Variants in ADGRV1 observed in about 807,000 individuals in gnomAD.
ADGRV1 encodes the protein G-protein coupled receptor 98.
In ADGRV1, 359 loss-of-function variants were observed where a neutral mutation model predicts 596.2. The observed-to-expected ratio is 0.60, with a 90% confidence interval of 0.55 to 0.66. The LOEUF is 0.66. Ranked by LOEUF, ADGRV1 falls within the 30% of genes least tolerant of loss-of-function variation. ADGRV1 has a pLI of 0.00. For missense variants in ADGRV1, 7,274 were observed against 7,575.6 expected (o/e 0.96, Z 1.48); for synonymous variants, 2,681 against 2,679.2 (o/e 1.00, Z -0.02).
intron 77 of ADGRV1, among the ~76,000 whole-genome samples, chr5:90,840,316 AC>A (rs1346287356): frequency 3.3e-5 from 5 of 152,220 alleles, no homozygotes; most frequent in African/African-American, 9.7e-5. Flanking sequence ...GGCAAGAGTG[AC>A]ATTTCTGGTC....
intron 83 of ADGRV1, chr5:90,899,246 TATATC>T (rs1363432773): frequency 2.0e-5 from 3 of 152,176 alleles, no homozygotes; most frequent in African/African-American, 7.2e-5. Flanking sequence ...TTAGCAGAAA[TATATC>T]AGATAGCAAA....
At chr5:90,797,684 G>A (rs1196796986) in intron 70 of ADGRV1, among the ~76,000 whole-genome samples, 8 of 152,096 alleles carry the variant, frequency 5.3e-5, no homozygotes, top group Non-Finnish European at 1.5e-5. Flanking sequence ...CTTCTTCTCA[G>A]CACCTCGTCG....
At position 91,007,176 on chromosome 5, in the gene ADGRV1, G is replaced by A. The variant is rs377428188; in HGVS notation, c.18152+21654G>A. 2.6e-5 allele frequency among the ~76,000 whole-genome samples: 4 copies of A among 152,174 alleles called. No individual in the cohort carries two copies. The South Asian group carries it at 6.2e-4, about 24-fold the overall frequency. On this transcript the variant is annotated intron_variant, in intron 85 of 89. Transcript: ENST00000405460. The stretch of plus-strand genomic sequence containing the variant: ...ACTTAACAAAAAATCTTCACCAGTT[G>A]AACATATTGCTGGGGCCACTCCTGA...
At chr5:90,789,890 C>A in intron 69 of ADGRV1, 39 bp downstream of exon 69, 1 of 1,310,966 alleles carries the variant, frequency 7.6e-7, no homozygotes, top group Non-Finnish European at 9.8e-7. Flanking sequence ...TACCAGTTTG[C>A]CTAACAAATG....
At chr5:91,024,513 G>T (rs1783872355) in intron 85 of ADGRV1, among the ~76,000 whole-genome samples, 1 of 152,054 alleles carries the variant, frequency 6.6e-6, no homozygotes, top group Non-Finnish European at 1.5e-5. Flanking sequence ...GCAGTGCTTA[G>T]TTGCACACAC....
intron 85 of ADGRV1, among the ~76,000 whole-genome samples, chr5:91,046,886 A>G (rs978733628): frequency 1.3e-5 from 2 of 152,242 alleles, no homozygotes; most frequent in Non-Finnish European, 2.9e-5. Flanking sequence ...AAAAGAAGAT[A>G]TACAAGTGGC....
chr5:90,769,510 G>A (rs982014796), intron 59 of ADGRV1, among the ~76,000 whole-genome samples: 1 of 152,144 alleles, frequency 6.6e-6, no homozygotes, highest in African/African-American at 2.4e-5. Context: ...TACTTTGAGA[G>A]AGAATCATGA....
rs538523497 is a variant in ADGRV1, at chr5:90,952,793, G to A, written c.17857-12622G>A. Among the ~76,000 whole-genome samples the A allele has an allele frequency of 6.6e-5, 10 of 151,722 alleles. No individual in the cohort carries two copies. The East Asian group carries it at 1.9e-3, about 29-fold the overall frequency. On this transcript the variant is annotated intron_variant, in intron 83 of 89. Coordinates refer to ENST00000405460, the MANE Select transcript of ADGRV1 (RefSeq NM_032119.4). ...GATCTTGACTTGTCTCTCTTGATTT[G>A]CCTTGTTTTCTTCCACACAGTACTC...
chr5:90,740,562 G>A (rs1753830406), intron 50 of ADGRV1, among the ~76,000 whole-genome samples: 1 of 152,206 alleles, frequency 6.6e-6, no homozygotes, highest in Non-Finnish European at 1.5e-5. Flanking sequence ...CTCATTCAGA[G>A]CAATGCTGTT....
At position 90,647,699 on chromosome 5, in the gene ADGRV1, T is replaced by A; in HGVS notation, c.3224T>A (p.Phe1075Tyr). 6.2e-7 allele frequency: 1 copy of A among 1,613,758 alleles called. No individual in the cohort carries two copies. The highest frequency in any genetic ancestry group is 8.5e-7 in the Non-Finnish European group (1 of 1,179,674). ...AGTAGACAGCAGAGCATATCCATAT[T>A]TGTTAATGAAGATGGTATCCCGGAA... ...VGSRQQSISI[F>Y]VNEDGIPETD... is the part of the protein sequence containing the mutation. The change falls in exon 17 of 90, where the codon TTT (phenylalanine) becomes TAT (tyrosine). Residue 1075 changes from phenylalanine to tyrosine, a missense_variant. By Grantham distance (22) the Phe-to-Tyr change is conservative (BLOSUM62 3). Coordinates refer to ENST00000405460, the MANE Select transcript of ADGRV1 (RefSeq NM_032119.4).
chr5:90,833,329 GGCTGGA>G (rs1764679334), intron 77 of ADGRV1, among the ~76,000 whole-genome samples: 1 of 152,092 alleles, frequency 6.6e-6, no homozygotes, highest in Non-Finnish European at 1.5e-5. Flanking sequence ...CTTTTGCCCA[GGCTGGA>G]GTGCTGTGGT....
chr5:90,628,424 A>G (rs749139087), intron 7 of ADGRV1, 138 bp from the exon 8 acceptor site: 28 of 741,276 alleles, frequency 3.8e-5, no homozygotes, highest in Non-Finnish European at 5.8e-5. Flanking sequence ...ACAAACAAAA[A>G]TAACAAATCA....
At chr5:90,648,794 A>T (rs1561455000) in intron 17 of ADGRV1, among the ~76,000 whole-genome samples, 1 of 152,202 alleles carries the variant, frequency 6.6e-6, no homozygotes, top group Non-Finnish European at 1.5e-5. Flanking sequence ...TGTGAGGAAA[A>T]TTTGAATTTG....
At chr5:90,880,326 TGTACA>T (rs1201710867) in intron 83 of ADGRV1, among the ~76,000 whole-genome samples, 2 of 152,348 alleles carry the variant, frequency 1.3e-5, no homozygotes, top group East Asian at 3.9e-4. Flanking sequence ...ATGTATGTCA[TGTACA>T]GTATCTGCTG....
intron 21 of ADGRV1, among the ~76,000 whole-genome samples, chr5:90,663,388 T>G (rs1316202046): frequency 1.3e-5 from 2 of 151,320 alleles, no homozygotes; most frequent in South Asian, 2.1e-4. Context: ...TTTCATGTGT[T>G]TTTTGGCTGC....
intron 83 of ADGRV1, among the ~76,000 whole-genome samples, chr5:90,897,826 C>G (rs1034107269): frequency 5.9e-5 from 9 of 152,076 alleles, no homozygotes; most frequent in African/African-American, 2.2e-4. Flanking sequence ...GAACAATGTG[C>G]TCATGTAACC....
chr5:90,902,657 A>G (rs1771955114), intron 83 of ADGRV1, among the ~76,000 whole-genome samples: 1 of 152,172 alleles, frequency 6.6e-6, no homozygotes, highest in South Asian at 2.1e-4. Context: ...TTTTTAAGCG[A>G]TGATAACATT....
chr5:90,692,708 T>C lies in ADGRV1; in HGVS notation c.7055T>C (p.Val2352Ala), dbSNP rs1236834618. ...IPANDDPYGT[V>A]AFAQMVYRVQ... Reference sequence around the variant, plus strand: ...GCCAATGATGATCCTTATGGTACAGTAGCCTTTGCTCAGATGGTTTATCGT... The same window carrying C: ...GCCAATGATGATCCTTATGGTACAGCAGCCTTTGCTCAGATGGTTTATCGT... The change falls in exon 32 of 90, where the codon GTA (valine) becomes GCA (alanine). Residue 2352 changes from valine to alanine, a missense_variant. Val to Ala is a moderately conservative substitution (Grantham distance 64). Around this residue, in one of 5 missense-constraint regions of ADGRV1, gnomAD observed 3,643 missense variants for 3,809.2 expected, o/e 0.96. Transcript: ENST00000405460. The C allele has an allele frequency of 1.2e-6, 2 of 1,610,614 alleles. No homozygotes were observed. Among genetic ancestry groups the C allele is most frequent in the Admixed American group, 1.7e-5 (1 of 59,486 alleles).
At chr5:90,580,939 C>A (rs1316576520) in intron 1 of ADGRV1, among the ~76,000 whole-genome samples, 1 of 152,094 alleles carries the variant, frequency 6.6e-6, no homozygotes, top group Admixed American at 6.5e-5. Context: ...TTTTTGAAGG[C>A]TTTGTTCGTT....
Sources: allele counts gnomAD v4.1 joint callset (sites outside exome capture counted in the v4.1 genomes callset), GRCh38; gene constraint gnomAD v4.1.1; regional missense constraint gnomAD v4.1.1; transcripts MANE v1.5; gene names NCBI Gene and HGNC (gene_info 2026-07-23, HGNC 2026-07-21).